PCCB: variants seen among roughly 807,000 people sequenced by gnomAD.
PCCB encodes propionyl-CoA carboxylase subunit beta, also known as propionyl-CoA carboxylase beta chain, mitochondrial.
A neutral mutation model predicts 60.7 loss-of-function variants in PCCB; 43 were observed. That is an observed-to-expected ratio of 0.71 (90% CI 0.55 to 0.91). The LOEUF (loss-of-function observed/expected upper bound fraction) is 0.91, where lower values mean the gene tolerates loss of function less well. Ranked by LOEUF, PCCB falls within the 40% of genes least tolerant of loss-of-function variation. PCCB has a pLI of 0.00. For synonymous variants in PCCB, 276 were observed against 255.9 expected, an observed-to-expected ratio of 1.08 and a Z score of -0.75; for missense variants, 766 against 702.8, an observed-to-expected ratio of 1.09 and a Z score of -1.02.
chr3:136,324,753 T>C (rs1228892073), intron 10 of PCCB, among the ~76,000 whole-genome samples: 1 of 152,194 alleles, frequency 6.6e-6, no homozygotes, highest in African/African-American at 2.4e-5. Context: ...ATGTGTTCCT[T>C]GTGTCAGTCC....
intron 5 of PCCB, among the ~76,000 whole-genome samples, chr3:136,271,131 G>A (rs952960489): frequency 1.3e-5 from 2 of 151,962 alleles, no homozygotes; most frequent in Non-Finnish European, 2.9e-5. Context: ...AGTTTAATTA[G>A]GTCCCATTTA....
Position 136,293,881 on chromosome 3 carries a change from A to G in PCCB, c.763+17A>G. 2 of 1,412,032 alleles carry G rather than the reference A, an allele frequency of 1.4e-6. No individual in the cohort carries two copies. Among genetic ancestry groups the G allele is most frequent in the Non-Finnish European group, 2.0e-6 (2 of 995,838 alleles). 87.5% of individuals were successfully genotyped at this position (1,412,032 alleles called of 1,614,324 possible). A position where few individuals can be genotyped will look rare whatever the true frequency, so the allele number is the denominator to read the frequency against. On this transcript the variant is annotated intron_variant, in intron 7 of 14. Transcript: ENST00000251654. ...CCATGTCAGGTGAGAGGCCTTGAAGATGACCTTGTTGTTTTCAAACATTGA... is the reference window on the plus strand; with the variant it reads ...CCATGTCAGGTGAGAGGCCTTGAAGGTGACCTTGTTGTTTTCAAACATTGA...
At chr3:136,263,254 G>GTGT (rs1553775043) in intron 5 of PCCB, among the ~76,000 whole-genome samples, 1 of 125,940 alleles carries the variant, frequency 7.9e-6, no homozygotes, top group South Asian at 2.7e-4. Flanking sequence ...CGCCCAGCTG[G>GTGT]TTTTTTTTTT....
chr3:136,279,042 T>G (rs962744864), intron 5 of PCCB, among the ~76,000 whole-genome samples: 1 of 152,340 alleles, frequency 6.6e-6, no homozygotes, highest in Non-Finnish European at 1.5e-5. Flanking sequence ...TGTGAACCTT[T>G]TATCAATATG....
Position 136,262,009 on chromosome 3 carries a change from G to A in PCCB, c.487G>A (p.Gly163Arg), listed in dbSNP as rs1327723439. The change falls in exon 5 of 15, where the codon GGA becomes AGA. Residue 163 changes from glycine (G) to arginine (R), a missense_variant. Coordinates refer to ENST00000251654, the MANE Select transcript of PCCB (RefSeq NM_000532.5). ...APVIGLNDSG[G>R]ARIQEGVESL... Reference sequence around the variant, plus strand: ...AGTGATTGGGCTGAATGACTCTGGGGGAGCACGGATCCAAGAAGGAGTGGA... The same window carrying A: ...AGTGATTGGGCTGAATGACTCTGGGAGAGCACGGATCCAAGAAGGAGTGGA... The A allele has an allele frequency of 3.2e-6, 5 of 1,562,088 alleles. No individual in the cohort carries two copies. The highest frequency in any genetic ancestry group is 4.3e-6 in the Non-Finnish European group (5 of 1,151,908).
At chr3:136,268,116 A>C (rs1441623630) in intron 5 of PCCB, among the ~76,000 whole-genome samples, 1 of 119,218 alleles carries the variant, frequency 8.4e-6, no homozygotes, top group African/African-American at 3.7e-5. Flanking sequence ...ATATATATAT[A>C]TATATGTATA....
At chr3:136,295,840 T>TC (rs1176234350) in intron 7 of PCCB, among the ~76,000 whole-genome samples, 1 of 152,182 alleles carries the variant, frequency 6.6e-6, no homozygotes, top group Non-Finnish European at 1.5e-5. Flanking sequence ...CTGAGTTTTT[T>TC]TTTTTTTTTT....
At chr3:136,318,008 A>G (rs1483324288) in intron 10 of PCCB, among the ~76,000 whole-genome samples, 1 of 152,104 alleles carries the variant, frequency 6.6e-6, no homozygotes, top group Non-Finnish European at 1.5e-5. Flanking sequence ...ACCTAACCTC[A>G]TCTTATTTCT....
At chr3:136,297,327 A>G (rs975416635) in intron 7 of PCCB, among the ~76,000 whole-genome samples, 2 of 152,100 alleles carry the variant, frequency 1.3e-5, no homozygotes, top group East Asian at 3.9e-4. Context: ...TGGTGAAAGA[A>G]AGGAGTCTGG....
rs1934918691 is a variant in PCCB, at chr3:136,316,950, G to A, written c.976G>A (p.Glu326Lys). ...AAATTTATTCCTGCAGGTTGTTGAT[G>A]AGCGTGAATTTTTTGAGATCATGCC... is the stretch of plus-strand genomic sequence containing the variant. The part of the protein sequence containing the change: ...MVDIIHSVVD[E>K]REFFEIMPNY... The change falls in exon 10 of 15, where the codon GAG becomes AAG. Residue 326 changes from glutamate (E) to lysine (K), a missense_variant. Glu to Lys is a moderately conservative substitution (Grantham distance 56). Coordinates refer to ENST00000251654, the MANE Select transcript of PCCB (RefSeq NM_000532.5). 6.2e-7 allele frequency: 1 copy of A among 1,614,090 alleles called. No homozygotes were observed. Among genetic ancestry groups the A allele is most frequent in the Non-Finnish European group, 8.5e-7 (1 of 1,179,978 alleles).
chr3:136,290,688 T>TTTTTTTTTTTTTG (rs1553778407), intron 6 of PCCB, among the ~76,000 whole-genome samples: 13 of 146,290 alleles, frequency 8.9e-5, no homozygotes, highest in African/African-American at 2.5e-4. Flanking sequence ...TTTTTTTTTT[T>TTTTTTTTTTTTTG]GTCATTCATC....
intron 5 of PCCB, among the ~76,000 whole-genome samples, chr3:136,274,450 C>T (rs751084224): frequency 6.6e-6 from 1 of 152,094 alleles, no homozygotes; most frequent in Non-Finnish European, 1.5e-5. Flanking sequence ...AGATAGAACC[C>T]CAATCCCTTC....
Position 136,329,928 on chromosome 3 carries a change from C to T in PCCB, c.1522C>T (p.Pro508Ser), listed in dbSNP as rs759912137. The change falls in exon 15 of 15, where the codon CCT becomes TCT. Residue 508 changes from proline (P) to serine (S), a missense_variant. Physicochemically the swap from Pro to Ser is moderately conservative, Grantham distance 74. Coordinates refer to ENST00000251654, the MANE Select transcript of PCCB (RefSeq NM_000532.5). ...AGGGTTTGTGGATGACATCATCCAA[C>T]CTTCTTCCACACGTGCCCGAATCTG... is the stretch of plus-strand genomic sequence containing the variant. The part of the protein sequence containing the change: ...VRGFVDDIIQ[P>S]SSTRARICCD... 6 of 1,614,182 alleles carry T rather than the reference C, an allele frequency of 3.7e-6. No homozygotes were observed. The highest frequency in any genetic ancestry group is 3.3e-5 in the Admixed American group (2 of 60,016).
At chr3:136,280,761 AG>A (rs2108177036) in intron 5 of PCCB, among the ~76,000 whole-genome samples, 2 of 152,336 alleles carry the variant, frequency 1.3e-5, no homozygotes, top group African/African-American at 4.8e-5. Flanking sequence ...TATAGGATCA[AG>A]CAGTCTTCCT....
intron 9 of PCCB, among the ~76,000 whole-genome samples, chr3:136,312,316 C>T (rs185472450): frequency 1.9e-3 from 292 of 152,304 alleles, no homozygotes; most frequent in African/African-American, 6.7e-3. Flanking sequence ...ACCTGTATAG[C>T]ACGTTACTGT....
At chr3:136,300,928 A>C (rs958656762) in intron 8 of PCCB, 102 bp from the exon 9 acceptor site, 2 of 812,820 alleles carry the variant, frequency 2.5e-6, no homozygotes, top group Admixed American at 1.9e-5. Context: ...GAACTGGCCC[A>C]GTCCCTATGA....
chr3:136,319,522 C>T (rs531681370), intron 10 of PCCB, among the ~76,000 whole-genome samples: 2 of 152,134 alleles, frequency 1.3e-5, no homozygotes, highest in South Asian at 2.1e-4. Flanking sequence ...CTCAGCATCC[C>T]AAATAGCTGG....
At chr3:136,328,314 GT>G (rs1177338941) in intron 13 of PCCB, among the ~76,000 whole-genome samples, 7 of 152,144 alleles carry the variant, frequency 4.6e-5, no homozygotes, top group Middle Eastern at 6.3e-3. Context: ...CTAATTTCCA[GT>G]TCAGTCTGGT....
intron 9 of PCCB, among the ~76,000 whole-genome samples, chr3:136,308,031 A>T (rs1205258550): frequency 6.6e-6 from 1 of 151,998 alleles, no homozygotes; most frequent in African/African-American, 2.4e-5. Flanking sequence ...ATACCAATAA[A>T]TATGGATGGG....
Sources: allele counts gnomAD v4.1 joint callset (sites outside exome capture counted in the v4.1 genomes callset), GRCh38; gene constraint gnomAD v4.1.1; transcripts MANE v1.5; gene names NCBI Gene and HGNC (gene_info 2026-07-23, HGNC 2026-07-21).